The following AKT3 variants were observed in gnomAD, a reference collection of about 807,000 sequenced individuals.
The protein encoded by AKT3 is AKT serine/threonine kinase 3, also known as RAC-gamma serine/threonine-protein kinase.
Under a neutral mutation model 65.3 loss-of-function variants are expected in AKT3, and 15 were observed. The observed-to-expected ratio is 0.23, with a 90% CI of 0.15 to 0.35. The LOEUF (loss-of-function observed/expected upper bound fraction) is 0.35, where lower values mean the gene tolerates loss of function less well. Among genes scored for constraint, AKT3 ranks in the 10% least tolerant of loss-of-function variants. AKT3 has a pLI of 1.00. For synonymous variants in AKT3, 206 were observed against 183.8 expected (o/e 1.12, Z -0.98); for missense variants, 243 against 576.5 (o/e 0.42, Z 5.92).
intron 3 of AKT3, among the ~76,000 whole-genome samples, chr1:243,665,437 T>G (rs1014494741): frequency 7.9e-5 from 12 of 152,184 alleles, no homozygotes; most frequent in African/African-American, 2.9e-4. Flanking sequence ...TATAAGCTTT[T>G]TGACAATATA....
intron 2 of AKT3, among the ~76,000 whole-genome samples, chr1:243,725,086 C>T (rs979948417): frequency 1.3e-5 from 2 of 151,530 alleles, no homozygotes; most frequent in Admixed American, 1.3e-4. Context: ...GATGCATGCC[C>T]GTAGTTCTAG....
intron 7 of AKT3, 89 bp from the exon 8 acceptor site, chr1:243,613,828 T>C: frequency 1.4e-6 from 1 of 739,318 alleles, no homozygotes; most frequent in Non-Finnish European, 2.0e-6. Flanking sequence ...ATAGAAATAG[T>C]AAGCATGAAA....
At chr1:243,687,063 A>T (rs1174945496) in intron 3 of AKT3, among the ~76,000 whole-genome samples, 1 of 152,082 alleles carries the variant, frequency 6.6e-6, no homozygotes, top group East Asian at 1.9e-4. Context: ...AAGTTATGTG[A>T]TTTGCCCAAG....
At chr1:243,652,827 G>C (rs1196867081) in intron 4 of AKT3, among the ~76,000 whole-genome samples, 1 of 95,334 alleles carries the variant, frequency 1.0e-5, no homozygotes, top group East Asian at 3.2e-4. Context: ...TGATAAAACA[G>C]ACTTTAAACC....
chr1:243,705,745 T>C (rs1412160837), intron 2 of AKT3, among the ~76,000 whole-genome samples: 5 of 152,064 alleles, frequency 3.3e-5, no homozygotes, highest in Non-Finnish European at 7.4e-5. Context: ...GTAGGTATGT[T>C]GTGGAGAATT....
At chr1:243,824,217 T>G (rs1439762891) in intron 2 of AKT3, among the ~76,000 whole-genome samples, 1 of 152,162 alleles carries the variant, frequency 6.6e-6, no homozygotes, top group Non-Finnish European at 1.5e-5. Flanking sequence ...TGCAGAAAAT[T>G]GAAACTGGGC....
chr1:243,729,462 G>A (rs1347078120), intron 2 of AKT3, among the ~76,000 whole-genome samples: 1 of 151,982 alleles, frequency 6.6e-6, no homozygotes, highest in Non-Finnish European at 1.5e-5. Context: ...ACATAAATGG[G>A]TACAGCCTTT....
intron 2 of AKT3, among the ~76,000 whole-genome samples, chr1:243,702,538 T>C (rs961446163): frequency 2.0e-5 from 3 of 152,178 alleles, no homozygotes; most frequent in African/African-American, 4.8e-5. Context: ...AGTATTTGAT[T>C]TGGTTGTTAG....
chr1:243,765,191 G>T (rs1358914107), intron 2 of AKT3, among the ~76,000 whole-genome samples: 1 of 151,972 alleles, frequency 6.6e-6, no homozygotes, highest in African/African-American at 2.4e-5. Flanking sequence ...CATTTAATGT[G>T]TATAAAACTT....
At chr1:243,814,984 A>C (rs542765250) in intron 2 of AKT3, among the ~76,000 whole-genome samples, 1 of 152,172 alleles carries the variant, frequency 6.6e-6, no homozygotes, top group African/African-American at 2.4e-5. Context: ...TAAAGTCACA[A>C]CTTCAAAACA....
At chr1:243,717,304 C>T (rs143720757) in intron 2 of AKT3, among the ~76,000 whole-genome samples, 201 of 152,238 alleles carry the variant, frequency 1.3e-3, no homozygotes, top group Middle Eastern at 0.01. Context: ...AAGAGTCATA[C>T]CCAGTGGCTT....
intron 6 of AKT3, among the ~76,000 whole-genome samples, chr1:243,631,527 G>A (rs770897179): frequency 6.6e-5 from 10 of 152,142 alleles, no homozygotes; most frequent in Non-Finnish European, 1.2e-4. Flanking sequence ...GACCTCAAGC[G>A]ATCTGCCTGC....
chr1:243,571,232 G>A (rs936018977), intron 9 of AKT3, among the ~76,000 whole-genome samples: 29 of 152,126 alleles, frequency 1.9e-4, no homozygotes, highest in African/African-American at 5.1e-4. Flanking sequence ...CAGGAGAATC[G>A]CCAGAACCAG....
intron 2 of AKT3, among the ~76,000 whole-genome samples, chr1:243,837,806 C>T (rs560946636): frequency 6.6e-6 from 1 of 152,090 alleles, no homozygotes; most frequent in Non-Finnish European, 1.5e-5. Flanking sequence ...AAAATAAATG[C>T]TTTCCCAATA....
intron 13 of AKT3, among the ~76,000 whole-genome samples, chr1:243,509,019 C>A (rs1014653043): frequency 6.6e-6 from 1 of 152,086 alleles, no homozygotes; most frequent in Non-Finnish European, 1.5e-5. Flanking sequence ...ATTTTGATAA[C>A]CATCTTGAAA....
intron 2 of AKT3, among the ~76,000 whole-genome samples, chr1:243,754,994 G>A (rs1169144168): frequency 6.6e-6 from 1 of 152,188 alleles, no homozygotes; most frequent in South Asian, 2.1e-4. Flanking sequence ...TCTTCCAGCA[G>A]AGCAGCTTGA....
chr1:243,825,532 G>A (rs1249200188), intron 2 of AKT3, among the ~76,000 whole-genome samples: 1 of 152,156 alleles, frequency 6.6e-6, no homozygotes, highest in African/African-American at 2.4e-5. Context: ...CCAAGTAACT[G>A]TAACACCTAA....
intron 2 of AKT3, among the ~76,000 whole-genome samples, chr1:243,835,432 T>G (rs9428588): frequency 0.051 from 7,703 of 152,186 alleles, 662 homozygotes; most frequent in African/African-American, 0.17. Flanking sequence ...CTACAACATG[T>G]TATTTATCCA....
intron 2 of AKT3, among the ~76,000 whole-genome samples, chr1:243,833,126 T>C (rs1450408747): frequency 6.6e-6 from 1 of 152,096 alleles, no homozygotes; most frequent in Admixed American, 6.5e-5. Flanking sequence ...CCAGGCACAG[T>C]GGCACACACC....
Sources: allele counts gnomAD v4.1 joint callset (sites outside exome capture counted in the v4.1 genomes callset), GRCh38; gene constraint gnomAD v4.1.1; transcripts MANE v1.5; gene names NCBI Gene and HGNC (gene_info 2026-07-23, HGNC 2026-07-21).